Variants in SYT9 observed in about 807,000 individuals in gnomAD.
SYT9 encodes the protein synaptotagmin 9.
In SYT9, 22 loss-of-function variants were observed where a neutral mutation model predicts 48.4. The ratio of observed to expected loss-of-function variants is 0.45; its 90% CI spans 0.32 to 0.65. The LOEUF is 0.65. Ranked by LOEUF, SYT9 falls within the 30% of genes least tolerant of loss-of-function variation. The pLI is 0.03. For synonymous variants in SYT9, 265 were observed against 245.0 expected (o/e 1.08, Z -0.76); for missense variants, 577 against 622.0 (o/e 0.93, Z 0.77).
chr11:7,373,893 T>C (rs1850406842), intron 3 of SYT9, among the ~76,000 whole-genome samples: 1 of 152,104 alleles, frequency 6.6e-6, no homozygotes, highest in Non-Finnish European at 1.5e-5. Flanking sequence ...ACATTCTTTT[T>C]ACATTTTTCT....
chr11:7,241,916 G>C (rs1847744977), intron 1 of SYT9, among the ~76,000 whole-genome samples: 2 of 152,182 alleles, frequency 1.3e-5, no homozygotes, highest in Admixed American at 1.3e-4. Flanking sequence ...CCCAAACATG[G>C]GTTCCCATTT....
intron 3 of SYT9, among the ~76,000 whole-genome samples, chr11:7,365,180 TG>T (rs1850217447): frequency 6.6e-6 from 1 of 150,636 alleles, no homozygotes; most frequent in Admixed American, 6.6e-5. Flanking sequence ...TTCATGATTG[TG>T]GAAAAAAAAA....
At chr11:7,279,880 T>C (rs1258403045) in intron 1 of SYT9, among the ~76,000 whole-genome samples, 1 of 152,208 alleles carries the variant, frequency 6.6e-6, no homozygotes, top group Non-Finnish European at 1.5e-5. Flanking sequence ...TGCCATCTGG[T>C]GACAGCCACT....
intron 3 of SYT9, among the ~76,000 whole-genome samples, chr11:7,343,401 C>A (rs1434940697): frequency 1.3e-5 from 2 of 152,132 alleles, no homozygotes. Flanking sequence ...AAATCATCTC[C>A]CTTAAGTTCA....
intron 2 of SYT9, among the ~76,000 whole-genome samples, chr11:7,308,825 C>G (rs1263273023): frequency 2.6e-5 from 4 of 152,152 alleles, no homozygotes; most frequent in Admixed American, 2.6e-4. Flanking sequence ...GTTGAATTGC[C>G]ATTACGTCCT....
At chr11:7,324,507 CT>C (rs1222810527) in intron 3 of SYT9, among the ~76,000 whole-genome samples, 3 of 151,542 alleles carry the variant, frequency 2.0e-5, no homozygotes, top group Non-Finnish European at 4.4e-5. Context: ...CTTTTAAAAA[CT>C]TTTTTAAAAT....
intron 3 of SYT9, among the ~76,000 whole-genome samples, chr11:7,381,338 A>C (rs1055321879): frequency 6.6e-6 from 1 of 152,188 alleles, no homozygotes; most frequent in African/African-American, 2.4e-5. Flanking sequence ...GGGGTTCAGA[A>C]ACCATACTTT....
At chr11:7,383,139 A>T (rs1850597291) in intron 3 of SYT9, among the ~76,000 whole-genome samples, 1 of 152,206 alleles carries the variant, frequency 6.6e-6, no homozygotes, top group East Asian at 1.9e-4. Flanking sequence ...AACGTCGTCC[A>T]TGTTATAGGT....
intron 3 of SYT9, among the ~76,000 whole-genome samples, chr11:7,387,150 G>A (rs1229354812): frequency 6.6e-6 from 1 of 152,072 alleles, no homozygotes; most frequent in Non-Finnish European, 1.5e-5. Context: ...GCCTGTTGTG[G>A]GGTGTGGTGG....
At chr11:7,398,678 A>G (rs2134071199) in intron 3 of SYT9, among the ~76,000 whole-genome samples, 1 of 152,258 alleles carries the variant, frequency 6.6e-6, no homozygotes, top group Middle Eastern at 3.4e-3. Flanking sequence ...GCATCAGTAT[A>G]TTACTATTCT....
intron 3 of SYT9, among the ~76,000 whole-genome samples, chr11:7,348,724 TCAAAGTGCGGATGGG>T (rs1849851061): frequency 1.4e-5 from 2 of 147,428 alleles, no homozygotes; most frequent in African/African-American, 5.1e-5. Flanking sequence ...TTTTGTATTT[TCAAAGTGCGGATGGG>T]TGGATTTTAG....
Position 7,274,316 on chromosome 11 carries a change from T to C in SYT9, c.145+21985T>C, listed in dbSNP as rs929528630. 2.1e-3 allele frequency among the ~76,000 whole-genome samples: 267 copies of C among 128,338 alleles called. 2 individuals are homozygous for C. The highest frequency in any genetic ancestry group is 7.6e-3 in the African/African-American group (258 of 34,064). The allele number at this position is 128,338 out of a possible 152,430, so 84.2% of individuals were successfully genotyped here. Reference sequence around the variant, plus strand: ...TTTCCTTATATCTGTGTGAAGTTCATCTTTTTTTTTTTTTTTTTTTTGACA... The same window carrying C: ...TTTCCTTATATCTGTGTGAAGTTCACCTTTTTTTTTTTTTTTTTTTTGACA... On this transcript the variant is annotated intron_variant, in intron 1 of 6. Coordinates refer to ENST00000318881, the MANE Select transcript of SYT9 (RefSeq NM_175733.4).
intron 1 of SYT9, chr11:7,239,012 G>A (rs985623059): frequency 2.2e-6 from 1 of 449,460 alleles, no homozygotes; most frequent in Non-Finnish European, 4.5e-6. Flanking sequence ...GTCAGCATTG[G>A]AGCTGTCTGC....
chr11:7,416,126 A>G lies in SYT9; in HGVS notation c.1129A>G (p.Arg377Gly), dbSNP rs1847242288. The G allele has an allele frequency of 6.2e-7, 1 of 1,614,102 alleles. No homozygotes were observed. The highest frequency in any genetic ancestry group is 8.5e-7 in the Non-Finnish European group (1 of 1,180,034). The change falls in exon 4 of 7, where the codon AGG becomes GGG. Residue 377 changes from arginine to glycine, a missense_variant. Physicochemically the swap from Arg to Gly is moderately radical, Grantham distance 125 (BLOSUM62 -2). Coordinates refer to ENST00000318881, the MANE Select transcript of SYT9 (RefSeq NM_175733.4). Reference protein sequence around the residue: ...GRLTITIIKARNLKAMDITGA... With the variant: ...GRLTITIIKAGNLKAMDITGA... The stretch of plus-strand genomic sequence containing the variant: ...GCTGACCATTACCATTATAAAAGCA[A>G]GGAATTTAAAGGCAATGGACATAAC...
chr11:7,405,614 A>G (rs1846993232), intron 3 of SYT9, among the ~76,000 whole-genome samples: 3 of 152,216 alleles, frequency 2.0e-5, no homozygotes, highest in Admixed American at 2.0e-4. Context: ...AAATACCACA[A>G]CCACAACAAA....
exon 1 of SYT9, chr11:7,238,850 C>T (rs752105869): frequency 2.0e-5 from 9 of 455,772 alleles, no homozygotes; most frequent in Non-Finnish European, 4.0e-5. Flanking sequence ...ATGAAGAAGC[C>T]AGTAATGCAG....
intron 2 of SYT9, among the ~76,000 whole-genome samples, chr11:7,307,581 G>GA (rs1849055649): frequency 6.6e-6 from 1 of 152,204 alleles, no homozygotes; most frequent in Admixed American, 6.5e-5. Context: ...AATAAAGAGA[G>GA]AAAAAATATA....
chr11:7,332,943 A>G (rs973108), intron 3 of SYT9, among the ~76,000 whole-genome samples: 73,289 of 152,150 alleles, frequency 0.48, 18,755 homozygotes, highest in Non-Finnish European at 0.58. Context: ...TACCTATGGA[A>G]GTATTACTAT....
chr11:7,459,006 C>T lies in SYT9; in HGVS notation c.1468-7786C>T, dbSNP rs376388951. ...ACTGCTATAATCTAGATGGCAATAA[C>T]AGAGGCTTGGACAGTGTAGAAGCAA... is the stretch of plus-strand genomic sequence containing the variant. On this transcript the variant is annotated intron_variant, in intron 6 of 6. Coordinates refer to ENST00000318881, the MANE Select transcript of SYT9 (RefSeq NM_175733.4). Among the ~76,000 whole-genome samples the T allele has an allele frequency of 2.6e-4, 39 of 152,300 alleles. No individual in the cohort carries two copies. In the South Asian group the frequency reaches 7.5e-3, roughly 29 times the overall value.
Sources: allele counts gnomAD v4.1 joint callset (sites outside exome capture counted in the v4.1 genomes callset), GRCh38; gene constraint gnomAD v4.1.1; transcripts MANE v1.5; gene names NCBI Gene and HGNC (gene_info 2026-07-23, HGNC 2026-07-21).